The following SCARA5 variants were observed in gnomAD, a reference collection of about 807,000 sequenced individuals.
SCARA5 encodes scavenger receptor class A, member 5 (putative).
Under a neutral mutation model 46.3 loss-of-function variants are expected in SCARA5, and 45 were observed. That is an observed-to-expected ratio of 0.97 (90% CI 0.76 to 1.24). SCARA5 has a LOEUF of 1.24. SCARA5 is among the 50% of genes most tolerant of loss of function. SCARA5 has a pLI of 0.00. For missense variants in SCARA5, 680 were observed against 689.0 expected, an observed-to-expected ratio of 0.99 and a Z score of 0.15; for synonymous variants, 333 against 306.5, an observed-to-expected ratio of 1.09 and a Z score of -0.90.
At chr8:27,906,587 C>T (rs1029296625) in intron 6 of SCARA5, among the ~76,000 whole-genome samples, 3 of 152,268 alleles carry the variant, frequency 2.0e-5, no homozygotes, top group African/African-American at 7.2e-5. Context: ...CTGCAACCTA[C>T]CATAACACTC....
intron 3 of SCARA5, among the ~76,000 whole-genome samples, chr8:27,932,922 C>T (rs537746331): frequency 6.6e-5 from 10 of 152,350 alleles, no homozygotes; most frequent in Non-Finnish European, 1.3e-4. Flanking sequence ...TCAGCCACGG[C>T]GCTTGGCCGT....
rs766482225 is a variant in SCARA5, at chr8:27,950,879, G to GAAAAAA, written c.241+15529_241+15534dup. On this transcript the variant is annotated intron_variant, in intron 3 of 8. Coordinates refer to ENST00000354914, the MANE Select transcript of SCARA5 (RefSeq NM_173833.6). ...CCTATTTCAGCACTCAGCTTTATGGGAAAAAAAAAAAAAGGTCAGTGTGGA... is the reference window on the plus strand; with the variant it reads ...CCTATTTCAGCACTCAGCTTTATGGGAAAAAAAAAAAAAAAAAAAGGTCAGTGTGGA... 8.7e-3 allele frequency among the ~76,000 whole-genome samples: 1,230 copies of GAAAAAA among 140,968 alleles called. 27 individuals carry two copies. The highest frequency in any genetic ancestry group is 0.029 in the African/African-American group (1,093 of 38,318). The allele number at this position is 140,968 out of a possible 152,430, so 92.5% of individuals were successfully genotyped here. A position where few individuals can be genotyped will look rare whatever the true frequency, so the allele number is the denominator to read the frequency against.
chr8:27,953,513 T>C (rs903098785), intron 3 of SCARA5, among the ~76,000 whole-genome samples: 2 of 152,176 alleles, frequency 1.3e-5, no homozygotes, highest in Non-Finnish European at 2.9e-5. Context: ...ATGTTATTAA[T>C]TGAAGGGAGA....
intron 2 of SCARA5, 79 bp downstream of exon 2, chr8:27,987,425 C>A: frequency 1.1e-6 from 1 of 915,692 alleles, no homozygotes; most frequent in East Asian, 2.4e-5. Flanking sequence ...AAGGCAATGC[C>A]AAGGTTGGGT....
chr8:27,887,154 C>T (rs1033884990), intron 7 of SCARA5, among the ~76,000 whole-genome samples: 11 of 152,188 alleles, frequency 7.2e-5, no homozygotes, highest in African/African-American at 2.4e-4. Context: ...GTTGCAGCCA[C>T]GTCCCCTAGT....
intron 3 of SCARA5, among the ~76,000 whole-genome samples, chr8:27,955,317 G>A (rs891834503): frequency 6.6e-6 from 1 of 152,186 alleles, no homozygotes; most frequent in African/African-American, 2.4e-5. Flanking sequence ...ACAGCATGGG[G>A]CCACCCTACC....
At position 27,897,538 on chromosome 8, in the gene SCARA5, A is replaced by G. The variant is rs951393183; in HGVS notation, c.1153+7240T>C. 1.1e-4 allele frequency among the ~76,000 whole-genome samples: 17 copies of G among 152,360 alleles called. No homozygotes were observed. In the South Asian group the frequency reaches 2.1e-3, roughly 19 times the overall value. On this transcript the variant is annotated intron_variant, in intron 7 of 8. Coordinates refer to ENST00000354914, the MANE Select transcript of SCARA5 (RefSeq NM_173833.6). ...CCTTCGTCTGATGTGGGTATTACTAAGACAGTTTTCTTGCAGGGCAAACCC... is the reference window on the plus strand; with the variant it reads ...CCTTCGTCTGATGTGGGTATTACTAGGACAGTTTTCTTGCAGGGCAAACCC...
At chr8:27,872,093 C>T in intron 8 of SCARA5, 23 bp from the exon 9 acceptor site, 1 of 1,613,854 alleles carries the variant, frequency 6.2e-7, no homozygotes, top group Non-Finnish European at 8.5e-7. Context: ...GGAAACACAG[C>T]TATAAGCGGA....
At chr8:27,916,063 C>T (rs1807456063) in intron 4 of SCARA5, among the ~76,000 whole-genome samples, 1 of 152,152 alleles carries the variant, frequency 6.6e-6, no homozygotes, top group Non-Finnish European at 1.5e-5. Context: ...TTCAACAGAC[C>T]TGATTAATGC....
intron 3 of SCARA5, among the ~76,000 whole-genome samples, chr8:27,936,269 C>T (rs1807855846): frequency 6.6e-6 from 1 of 152,024 alleles, no homozygotes; most frequent in Non-Finnish European, 1.5e-5. Flanking sequence ...CCTGAGCTGG[C>T]CCTGGTCACT....
At chr8:27,932,751 C>A (rs969326327) in intron 3 of SCARA5, among the ~76,000 whole-genome samples, 1 of 152,232 alleles carries the variant, frequency 6.6e-6, no homozygotes, top group African/African-American at 2.4e-5. Context: ...GCCTCAGCCT[C>A]CCCAGTAGCT....
intron 7 of SCARA5, 33 bp downstream of exon 7, chr8:27,904,745 C>T: frequency 6.3e-7 from 1 of 1,593,892 alleles, no homozygotes; most frequent in Non-Finnish European, 8.6e-7. Flanking sequence ...TGTGCCAACA[C>T]CATATCCCAC....
intron 7 of SCARA5, among the ~76,000 whole-genome samples, chr8:27,898,930 C>T (rs1322343978): frequency 1.3e-5 from 2 of 152,176 alleles, no homozygotes; most frequent in African/African-American, 4.8e-5. Flanking sequence ...TGGCGGGCGG[C>T]GTGCCCAGAG....
chr8:27,980,543 G>C (rs897600330), intron 2 of SCARA5, among the ~76,000 whole-genome samples: 1 of 152,180 alleles, frequency 6.6e-6, no homozygotes, highest in Admixed American at 6.5e-5. Context: ...TGAAGACAGA[G>C]AGGGGATGCT....
At chr8:27,880,565 G>A (rs1806795384) in intron 7 of SCARA5, among the ~76,000 whole-genome samples, 1 of 152,172 alleles carries the variant, frequency 6.6e-6, no homozygotes, top group East Asian at 1.9e-4. Flanking sequence ...CAAAAGAGCG[G>A]CTGGGCTTGG....
intron 3 of SCARA5, among the ~76,000 whole-genome samples, chr8:27,940,200 C>T (rs1271934352): frequency 6.6e-6 from 1 of 152,144 alleles, no homozygotes; most frequent in African/African-American, 2.4e-5. Flanking sequence ...ACTTGTTGAG[C>T]CGGTCATAAA....
At chr8:27,941,173 A>G (rs1470334516) in intron 3 of SCARA5, among the ~76,000 whole-genome samples, 1 of 151,894 alleles carries the variant, frequency 6.6e-6, no homozygotes, top group East Asian at 1.9e-4. Context: ...AGTGTAGATG[A>G]TATAGAGGAA....
At chr8:27,878,193 C>T (rs974654068) in intron 8 of SCARA5, among the ~76,000 whole-genome samples, 1 of 152,192 alleles carries the variant, frequency 6.6e-6, no homozygotes, top group African/African-American at 2.4e-5. Context: ...CCTCCCCACA[C>T]CCACCTGGTC....
At chr8:27,883,277 T>C (rs573469260) in intron 7 of SCARA5, among the ~76,000 whole-genome samples, 27 of 152,326 alleles carry the variant, frequency 1.8e-4, no homozygotes, top group African/African-American at 6.3e-4. Context: ...CTTTGGATCA[T>C]CACAAAGCCA....
Sources: allele counts gnomAD v4.1 joint callset (sites outside exome capture counted in the v4.1 genomes callset), GRCh38; gene constraint gnomAD v4.1.1; transcripts MANE v1.5; gene names NCBI Gene and HGNC (gene_info 2026-07-23, HGNC 2026-07-21).